The following FAT4 variants were observed in gnomAD, a reference collection of about 807,000 sequenced individuals.
FAT4 encodes protocadherin Fat 4.
A neutral mutation model predicts 303.9 loss-of-function variants in FAT4; 84 were observed. The observed-to-expected ratio is 0.28, with a 90% CI of 0.23 to 0.33. FAT4 has a LOEUF of 0.33. Among genes scored for constraint, FAT4 ranks in the 10% least tolerant of loss-of-function variants. The pLI is 1.00. For synonymous variants in FAT4, 2,307 were observed against 2,298.8 expected (o/e 1.00, Z -0.10); for missense variants, 6,005 against 6,146.8 (o/e 0.98, Z 0.77).
chr4:125,366,535 G>A (rs1732894576), intron 2 of FAT4, among the ~76,000 whole-genome samples: 1 of 152,104 alleles, frequency 6.6e-6, no homozygotes. Flanking sequence ...CCACGTCTTT[G>A]CCATTGTGAA....
At chr4:125,372,358 T>A (rs1275862687) in intron 2 of FAT4, among the ~76,000 whole-genome samples, 1 of 139,132 alleles carries the variant, frequency 7.2e-6, no homozygotes, top group Non-Finnish European at 1.5e-5. Flanking sequence ...AGTGAGACCC[T>A]GTTTCAAAAA....
rs1222359308 is a variant in FAT4 at position 125,448,961 on chromosome 4, T to G, written c.7951T>G (p.Phe2651Val). ...GGCCAGAGACGGTGGTTTCCCTCCT[T>G]TCTCCTCTTACGAGAAACTTGATAT... is the stretch of plus-strand genomic sequence containing the variant. ...IEARDGGFPP[F>V]SSYEKLDITV... Residue 2651 changes from phenylalanine to valine, a missense_variant, in exon 10 of 18, where the codon TTC becomes GTC. Transcript: ENST00000394329. 1 of 1,613,800 alleles carries G rather than the reference T, an allele frequency of 6.2e-7. No homozygotes were observed.
intron 2 of FAT4, among the ~76,000 whole-genome samples, chr4:125,369,286 T>C (rs1005383638): frequency 2.0e-5 from 3 of 152,036 alleles, no homozygotes; most frequent in Admixed American, 2.0e-4. Context: ...AACAACTGTC[T>C]TCAGTGAGTA....
rs752815565 is a variant in FAT4 at position 125,450,220 on chromosome 4, A to G, written c.9210A>G (p.Pro3070=). Residue 3070 remains proline (P), a synonymous_variant, in exon 10 of 18, where the codon CCA becomes CCG. Coordinates refer to ENST00000394329, the MANE Select transcript of FAT4 (RefSeq NM_001291303.3). ...CTGCAAAGGATAAGGGAAACCCTCCACTTTCTTCCCAAGCAACTGTTCACA... is the reference window on the plus strand; with the variant it reads ...CTGCAAAGGATAAGGGAAACCCTCCGCTTTCTTCCCAAGCAACTGTTCACA... ...TVTAKDKGNP[P]LSSQATVHIT... The G allele has an allele frequency of 1.9e-6, 3 of 1,613,980 alleles. No individual in the cohort carries two copies. Among genetic ancestry groups the G allele is most frequent in the Non-Finnish European group, 2.5e-6 (3 of 1,179,988 alleles).
Position 125,320,661 on chromosome 4 carries a change from C to A in FAT4, c.4250C>A (p.Pro1417His), listed in dbSNP as rs201515596. ...VIHVRDFNDN[P>H]PSFPPGDIFK... Reference sequence around the variant, plus strand: ...CACGTGAGGGACTTTAATGACAATCCTCCTAGCTTTCCTCCTGGAGATATT... The same window carrying A: ...CACGTGAGGGACTTTAATGACAATCATCCTAGCTTTCCTCCTGGAGATATT... The change falls in exon 2 of 18, where the codon CCT (proline) becomes CAT (histidine). Residue 1417 changes from proline to histidine, a missense_variant. Coordinates refer to ENST00000394329, the MANE Select transcript of FAT4 (RefSeq NM_001291303.3). 9.1e-5 allele frequency: 147 copies of A among 1,613,886 alleles called. No individual in the cohort carries two copies. The highest frequency in any genetic ancestry group is 1.1e-4 in the Non-Finnish European group (134 of 1,179,792).
rs147633644 is a variant in FAT4, at chr4:125,446,375, G to C, written c.7282G>C (p.Glu2428Gln). ...QIITSALLDR[E>Q]TKDNYTLVVV... The stretch of plus-strand genomic sequence containing the variant: ...CATCACCAGCGCATTGTTAGATAGG[G>C]AAACAAAAGATAATTATACTTTGGT... Residue 2428 changes from glutamate to glutamine, a missense_variant, in exon 9 of 18, where the codon GAA becomes CAA. Coordinates refer to ENST00000394329, the MANE Select transcript of FAT4 (RefSeq NM_001291303.3). 1.2e-6 allele frequency: 2 copies of C among 1,613,390 alleles called. No individual in the cohort carries two copies. The highest frequency in any genetic ancestry group is 1.7e-6 in the Non-Finnish European group (2 of 1,179,458).
intron 14 of FAT4, among the ~76,000 whole-genome samples, chr4:125,478,657 A>G (rs971741878): frequency 2.6e-5 from 4 of 151,994 alleles, no homozygotes; most frequent in Admixed American, 2.0e-4. Context: ...CAGCCTCCGG[A>G]GTAGCTGGGA....
At chr4:125,428,835 A>G (rs921177331) in intron 7 of FAT4, among the ~76,000 whole-genome samples, 3 of 152,242 alleles carry the variant, frequency 2.0e-5, no homozygotes, top group Non-Finnish European at 4.4e-5. Flanking sequence ...TACAATTACA[A>G]GTTTCTGAGA....
intron 7 of FAT4, among the ~76,000 whole-genome samples, chr4:125,425,722 G>T (rs1725065600): frequency 6.6e-6 from 1 of 152,060 alleles, no homozygotes; most frequent in African/African-American, 2.4e-5. Context: ...GAATTTGGGG[G>T]TAGGAGATTA....
chr4:125,412,118 T>C (rs1734872520), intron 5 of FAT4, among the ~76,000 whole-genome samples: 1 of 151,846 alleles, frequency 6.6e-6, no homozygotes, highest in South Asian at 2.1e-4. Context: ...CAGATATTTG[T>C]TGAAAAAATA....
intron 2 of FAT4, among the ~76,000 whole-genome samples, chr4:125,355,003 T>G (rs1161909669): frequency 6.6e-6 from 1 of 151,828 alleles, no homozygotes; most frequent in Non-Finnish European, 1.5e-5. Flanking sequence ...ACATATTTTT[T>G]AAATTTAGAC....
chr4:125,451,902 C>T lies in FAT4; in HGVS notation c.10892C>T (p.Pro3631Leu). Residue 3631 changes from proline to leucine, a missense_variant, in exon 10 of 18, where the codon CCC (proline) becomes CTC (leucine). By Grantham distance (98) the Pro-to-Leu change is moderately conservative (BLOSUM62 -3). Coordinates refer to ENST00000394329, the MANE Select transcript of FAT4 (RefSeq NM_001291303.3). ...IFVNYYGNLFPGGILGSVKPQ... is the reference protein window; with the variant it reads ...IFVNYYGNLFLGGILGSVKPQ... ...GTTAATTATTATGGTAACTTGTTTC[C>T]CGGTGGGATTTTAGGCTCTGTGAAG... 1 of 1,613,874 alleles carries T rather than the reference C, an allele frequency of 6.2e-7. No individual in the cohort carries two copies. The highest frequency in any genetic ancestry group is 1.7e-4 in the Middle Eastern group (1 of 6,058).
chr4:125,331,599 A>G (rs1032274890), intron 2 of FAT4, among the ~76,000 whole-genome samples: 5 of 152,174 alleles, frequency 3.3e-5, no homozygotes, highest in African/African-American at 4.8e-5. Context: ...GAAAATATAT[A>G]TCACAGTGTA....
rs10009284 is a variant in FAT4 at position 125,398,508 on chromosome 4, A to G, written c.5176-276A>G. On this transcript the variant is annotated intron_variant, in intron 2 of 17. Transcript: ENST00000394329. ...GTGCAAATCTGGGGATTAAAATGAC[A>G]GTTAATCAGTGGACCTTTTCTAGTA... Among the ~76,000 whole-genome samples, 5,871 of 152,234 alleles carry G rather than the reference A, an allele frequency of 0.039. 378 individuals carry two copies. Among genetic ancestry groups the G allele is most frequent in the African/African-American group, 0.13 (5,286 of 41,544 alleles).
chr4:125,468,960 C>A, intron 12 of FAT4, 141 bp downstream of exon 12: 1 of 871,896 alleles, frequency 1.1e-6, no homozygotes, highest in Non-Finnish European at 1.7e-6. Context: ...TAATATTTTT[C>A]TTTTGCTCAT....
intron 4 of FAT4, among the ~76,000 whole-genome samples, chr4:125,408,005 A>G (rs925945563): frequency 1.3e-5 from 2 of 152,036 alleles, no homozygotes; most frequent in African/African-American, 2.4e-5. Flanking sequence ...ATCCCATCAC[A>G]CTTATTTCTT....
intron 9 of FAT4, among the ~76,000 whole-genome samples, chr4:125,446,793 T>C (rs978189151): frequency 6.6e-6 from 1 of 151,962 alleles, no homozygotes; most frequent in Non-Finnish European, 1.5e-5. Context: ...TTAATATTAC[T>C]TGAATATTAT....
chr4:125,485,697 A>G (rs1727384948), intron 16 of FAT4, among the ~76,000 whole-genome samples: 1 of 152,220 alleles, frequency 6.6e-6, no homozygotes, highest in Admixed American at 6.5e-5. Context: ...TGATTAAAAA[A>G]ACGGTGTAGT....
intron 7 of FAT4, among the ~76,000 whole-genome samples, chr4:125,419,199 T>C (rs1208728995): frequency 6.6e-6 from 1 of 152,216 alleles, no homozygotes; most frequent in Non-Finnish European, 1.5e-5. Flanking sequence ...TAGCTATTAA[T>C]GTCAGTCAGC....
Sources: allele counts gnomAD v4.1 joint callset (sites outside exome capture counted in the v4.1 genomes callset), GRCh38; gene constraint gnomAD v4.1.1; transcripts MANE v1.5; gene names NCBI Gene and HGNC (gene_info 2026-07-23, HGNC 2026-07-21).